The following EDNRA variants were observed in gnomAD, a reference collection of about 807,000 sequenced individuals.
EDNRA encodes the protein endothelin receptor type A.
Under a neutral mutation model 41.4 loss-of-function variants are expected in EDNRA, and 11 were observed. The observed-to-expected ratio is 0.27, with a 90% CI of 0.17 to 0.44. EDNRA has a LOEUF of 0.44. Ranked by LOEUF, EDNRA falls within the 20% of genes least tolerant of loss-of-function variation. The pLI is 1.00. For missense variants in EDNRA, 294 were observed against 531.0 expected, an observed-to-expected ratio of 0.55 and a Z score of 4.39; for synonymous variants, 172 against 183.0, an observed-to-expected ratio of 0.94 and a Z score of 0.49.
chr4:147,498,402 C>T (rs1729389514), intron 2 of EDNRA, among the ~76,000 whole-genome samples: 1 of 152,162 alleles, frequency 6.6e-6, no homozygotes, highest in Non-Finnish European at 1.5e-5. Flanking sequence ...CGTCCAGAGC[C>T]CACTTTCAAG....
chr4:147,523,463 T>C (rs562006582), intron 3 of EDNRA, among the ~76,000 whole-genome samples: 3 of 138,244 alleles, frequency 2.2e-5, no homozygotes, highest in Non-Finnish European at 4.5e-5. Context: ...GGGTGTTTGT[T>C]TTTTTTTGTT....
At chr4:147,521,190 A>C (rs2126451238) in intron 3 of EDNRA, among the ~76,000 whole-genome samples, 1 of 152,310 alleles carries the variant, frequency 6.6e-6, no homozygotes, top group Middle Eastern at 3.4e-3. Context: ...CCCAGGAATA[A>C]ATAAATAAAT....
intron 2 of EDNRA, among the ~76,000 whole-genome samples, chr4:147,497,290 C>T (rs1169759795): frequency 6.6e-6 from 1 of 151,200 alleles, no homozygotes; most frequent in African/African-American, 2.4e-5. Flanking sequence ...AGCCACCATG[C>T]CTGGCCCAGA....
At position 147,544,238 on chromosome 4, in the gene EDNRA, G is replaced by A. The variant is rs1195734162; in HGVS notation, c.*1620G>A. 3.3e-5 allele frequency: 5 copies of A among 152,990 alleles called. No homozygotes were observed. Among genetic ancestry groups the A allele is most frequent in the Non-Finnish European group, 7.3e-5 (5 of 68,040 alleles). The allele number at this position is 152,990 out of a possible 1,614,324, so 9.5% of individuals were successfully genotyped here. ...GCAACCTTCTGCATTCATAAATCTT[G>A]TAATCATGTTACCATTACAAATGGG... On this transcript the variant is annotated 3_prime_UTR_variant, in exon 8 of 8. Transcript: ENST00000651419.
rs771162550 is a variant in EDNRA at position 147,497,815 on chromosome 4, G to A, written c.420+11714G>A. On this transcript the variant is annotated intron_variant, in intron 2 of 7. Coordinates refer to ENST00000651419, the MANE Select transcript of EDNRA (RefSeq NM_001957.4). ...TCTGCATCTCCTGACCTCGTGATCC[G>A]CCCACCTCGGCCTCCAAAGTGCTGG... 5.3e-5 allele frequency among the ~76,000 whole-genome samples: 8 copies of A among 152,078 alleles called. No homozygotes were observed. In the East Asian group the frequency reaches 7.8e-4, roughly 15 times the overall value.
At chr4:147,529,765 G>A (rs58744051) in intron 3 of EDNRA, among the ~76,000 whole-genome samples, 1,685 of 152,274 alleles carry the variant, frequency 0.011, 31 homozygotes, top group East Asian at 0.068. Flanking sequence ...GTGTGTCAGT[G>A]TGTTGTGCCA....
intron 3 of EDNRA, among the ~76,000 whole-genome samples, chr4:147,523,897 A>T (rs965323939): frequency 6.6e-5 from 10 of 152,182 alleles, no homozygotes; most frequent in Non-Finnish European, 1.5e-4. Context: ...CCTTCCCATC[A>T]TGGCCTGAAC....
intron 7 of EDNRA, 55 bp from the exon 8 acceptor site, chr4:147,542,423 T>C: frequency 6.2e-7 from 1 of 1,610,218 alleles, no homozygotes; most frequent in Middle Eastern, 1.7e-4. Flanking sequence ...CCGCTGTGTT[T>C]GGCCGGGAAT....
chr4:147,526,267 C>A (rs1186534433), intron 3 of EDNRA, among the ~76,000 whole-genome samples: 1 of 152,218 alleles, frequency 6.6e-6, no homozygotes, highest in East Asian at 1.9e-4. Context: ...CAATTCAGAA[C>A]AACAACCGTT....
intron 2 of EDNRA, chr4:147,492,207 G>A (rs1729160564): frequency 6.6e-6 from 1 of 152,070 alleles, no homozygotes; most frequent in South Asian, 2.1e-4. Context: ...CCAGCTCCTT[G>A]GCCTGTCTGC....
intron 2 of EDNRA, among the ~76,000 whole-genome samples, chr4:147,505,326 C>CTTTTTTTTTTTTT (rs1729660192): frequency 1.5e-4 from 12 of 81,990 alleles, no homozygotes; most frequent in African/African-American, 6.5e-4. Context: ...TTTCTTTTTT[C>CTTTTTTTTTTTTT]ATTTTTTTTT....
At chr4:147,540,285 C>A in intron 6 of EDNRA, 92 bp from the exon 7 acceptor site, 2 of 1,099,730 alleles carry the variant, frequency 1.8e-6, no homozygotes, top group South Asian at 1.6e-5. Context: ...GGCTTCTGGG[C>A]AAGAAAAATG....
rs1198059044 is a variant in EDNRA at position 147,519,557 on chromosome 4, A to G, written c.421-294A>G. On this transcript the variant is annotated intron_variant, in intron 2 of 7. Coordinates refer to ENST00000651419, the MANE Select transcript of EDNRA (RefSeq NM_001957.4). This position sits in a 1 kb window ranked among gnomAD's most constrained non-coding sequence, Gnocchi z 4.1. ...ACTATAATATATTTAATATATATGT[A>G]TTATATTAATACACTATATTGATTT... 6.7e-6 allele frequency among the ~76,000 whole-genome samples: 1 copy of G among 148,930 alleles called. No homozygotes were observed. Among genetic ancestry groups the G allele is most frequent in the East Asian group, 1.9e-4 (1 of 5,166 alleles).
chr4:147,488,493 C>T (rs890535666), intron 2 of EDNRA: 10 of 152,148 alleles, frequency 6.6e-5, no homozygotes, highest in East Asian at 3.8e-4. Flanking sequence ...TTGACTGGTA[C>T]TTTTACATCA....
chr4:147,534,283 A>G (rs1034869731), intron 4 of EDNRA, among the ~76,000 whole-genome samples: 1 of 152,158 alleles, frequency 6.6e-6, no homozygotes, highest in African/African-American at 2.4e-5. Context: ...CACTTCAAAA[A>G]AGAGAGAGAG....
chr4:147,518,057 A>G (rs1436932624), intron 2 of EDNRA, among the ~76,000 whole-genome samples: 1 of 152,192 alleles, frequency 6.6e-6, no homozygotes, highest in African/African-American at 2.4e-5. Context: ...ATGAACAAAC[A>G]AACAATTCAA....
At chr4:147,522,465 G>A (rs893215594) in intron 3 of EDNRA, among the ~76,000 whole-genome samples, 9 of 152,010 alleles carry the variant, frequency 5.9e-5, no homozygotes, top group Admixed American at 1.3e-4. Flanking sequence ...TTGAACCCGG[G>A]AGGTGGAAGT....
At chr4:147,532,386 C>A in intron 3 of EDNRA, 120 bp from the exon 4 acceptor site, 1 of 709,584 alleles carries the variant, frequency 1.4e-6, no homozygotes, top group Non-Finnish European at 2.3e-6. Flanking sequence ...CAGAAAATTC[C>A]TAAAAAGACA....
At chr4:147,532,045 G>A (rs1170887467) in intron 3 of EDNRA, among the ~76,000 whole-genome samples, 1 of 147,644 alleles carries the variant, frequency 6.8e-6, no homozygotes, top group African/African-American at 2.5e-5. Context: ...AGGTGCAGTG[G>A]CTCACTCCTG....
Sources: gnomAD v4.1 joint callset for allele counts (sites outside exome capture counted in the v4.1 genomes callset) on GRCh38, gnomAD v4.1.1 for gene constraint, Gnocchi (gnomAD v3.1) non-coding constraint, MANE v1.5 for transcripts, NCBI Gene and HGNC (gene_info 2026-07-23, HGNC 2026-07-21) for gene names.